The following GAS2L3 variants were observed in gnomAD, a reference collection of about 807,000 sequenced individuals.
The protein encoded by GAS2L3 is growth arrest specific 2 like 3.
GAS2L3 carries 28 observed loss-of-function variants against 37.0 expected under a neutral mutation model. That is an observed-to-expected ratio of 0.76 (90% CI 0.56 to 1.04). GAS2L3 has a LOEUF of 1.04. Among genes scored for constraint, GAS2L3 ranks in the 50% least tolerant of loss-of-function variants. The pLI, the probability that GAS2L3 is intolerant of heterozygous loss-of-function variation, is 0.00. For missense variants in GAS2L3, 793 were observed against 817.6 expected (o/e 0.97, Z 0.37); for synonymous variants, 290 against 296.6 (o/e 0.98, Z 0.23).
intron 5 of GAS2L3, among the ~76,000 whole-genome samples, chr12:100,604,130 T>C (rs1328366652): frequency 6.6e-6 from 1 of 152,130 alleles, no homozygotes; most frequent in African/African-American, 2.4e-5. Flanking sequence ...TTTCCATTTC[T>C]ATGAAAAACA....
chr12:100,599,074 CG>C (rs1955950767), intron 3 of GAS2L3, among the ~76,000 whole-genome samples: 1 of 152,078 alleles, frequency 6.6e-6, no homozygotes, highest in Admixed American at 6.6e-5. Flanking sequence ...TCCCCATACC[CG>C]GATGCCCACT....
At chr12:100,612,314 TA>T in intron 6 of GAS2L3, 173 bp downstream of exon 6, 1 of 582,416 alleles carries the variant, frequency 1.7e-6, no homozygotes. Context: ...CTAAATCAAA[TA>T]TATTAACCTT....
rs2136609654 is a variant in GAS2L3 at position 100,624,395 on chromosome 12, CACGGGT to C, written c.1591_1596del (p.Thr531_Gly532del). On this transcript the variant is annotated inframe_deletion, in exon 10 of 10. Transcript: ENST00000547754. The stretch of plus-strand genomic sequence containing the variant: ...CAAAAACCAGTTCCAAAACCATAGC[CACGGGT>C]CTAGGAACACAGTCTCAACCATCCG... The C allele has an allele frequency of 1.9e-6, 3 of 1,613,928 alleles. No individual in the cohort carries two copies. In the East Asian group the frequency reaches 6.7e-5, roughly 36 times the overall value.
chr12:100,587,200 AG>A (rs1955792034), intron 1 of GAS2L3, among the ~76,000 whole-genome samples: 1 of 152,224 alleles, frequency 6.6e-6, no homozygotes, highest in South Asian at 2.1e-4. Flanking sequence ...AGATAGAGAA[AG>A]AAGGAACCCT....
At chr12:100,590,720 T>C (rs534567037) in intron 1 of GAS2L3, among the ~76,000 whole-genome samples, 30 of 152,184 alleles carry the variant, frequency 2.0e-4, no homozygotes, top group African/African-American at 7.2e-4. Flanking sequence ...CCCCACCATA[T>C]AGATAATATA....
At chr12:100,586,182 A>C (rs536051445) in intron 1 of GAS2L3, among the ~76,000 whole-genome samples, 3 of 152,210 alleles carry the variant, frequency 2.0e-5, no homozygotes, top group Non-Finnish European at 4.4e-5. Flanking sequence ...ACAGAAAATC[A>C]ACCAAGAAAC....
rs1383252077 is a variant in GAS2L3 at position 100,624,940 on chromosome 12, T to C, written c.*50T>C. On this transcript the variant is annotated 3_prime_UTR_variant, in exon 10 of 10. Transcript: ENST00000547754. ...GAAAAGGAAGAATGAATGTGTTAGC[T>C]TCACATCTTAAAAGTTTCTCCTATT... 2 of 1,370,254 alleles carry C rather than the reference T, an allele frequency of 1.5e-6. No individual in the cohort carries two copies. Among genetic ancestry groups the C allele is most frequent in the African/African-American group, 2.9e-5 (2 of 68,406 alleles). The allele number at this position is 1,370,254 out of a possible 1,614,324, so 84.9% of individuals were successfully genotyped here. A position where few individuals can be genotyped will look rare whatever the true frequency, so the allele number is the denominator to read the frequency against.
chr12:100,606,117 G>GTC (rs940019828), intron 5 of GAS2L3, among the ~76,000 whole-genome samples: 21 of 151,890 alleles, frequency 1.4e-4, no homozygotes, highest in Admixed American at 2.0e-4. Flanking sequence ...CTGTATTGGA[G>GTC]TCTCTCTCTC....
rs1319011756 is a variant in GAS2L3 at position 100,615,064 on chromosome 12, T to G, written c.446-2680T>G. On this transcript the variant is annotated intron_variant, in intron 6 of 9. Coordinates refer to ENST00000547754, the MANE Select transcript of GAS2L3 (RefSeq NM_174942.3). ...AATTTCTAGGTCATATGGTAATAATTCTGTTTATCTTTTTGAGGAGCTGTT... is the reference window on the plus strand; with the variant it reads ...AATTTCTAGGTCATATGGTAATAATGCTGTTTATCTTTTTGAGGAGCTGTT... 2.0e-5 allele frequency among the ~76,000 whole-genome samples: 3 copies of G among 152,320 alleles called. No homozygotes were observed. The East Asian group carries it at 5.8e-4, about 29-fold the overall frequency.
chr12:100,602,548 T>C (rs1185184024), intron 5 of GAS2L3, among the ~76,000 whole-genome samples: 12 of 151,982 alleles, frequency 7.9e-5, no homozygotes, highest in African/African-American at 2.9e-4. Flanking sequence ...ATGGGGTACA[T>C]GAGATACTTT....
chr12:100,606,208 T>G (rs1252626168), intron 5 of GAS2L3, among the ~76,000 whole-genome samples: 1 of 152,096 alleles, frequency 6.6e-6, no homozygotes, highest in Non-Finnish European at 1.5e-5. Flanking sequence ...TTTTATATCC[T>G]TTTGCTGAAT....
intron 1 of GAS2L3, chr12:100,579,013 T>C (rs1318270856): frequency 1.2e-6 from 1 of 832,712 alleles, no homozygotes; most frequent in African/African-American, 1.7e-5. Flanking sequence ...TCAAAGTCTA[T>C]TACTTGCCTC....
At chr12:100,595,406 T>TTA (rs1555201379) in intron 3 of GAS2L3, among the ~76,000 whole-genome samples, 5 of 151,464 alleles carry the variant, frequency 3.3e-5, no homozygotes, top group Admixed American at 3.3e-4. Context: ...GGGTTTTTTT[T>TTA]TTTTTGTTTT....
In GAS2L3 at chr12:100,585,219, G is replaced by C. The variant is rs117601994; in HGVS notation, c.-151-6517G>C. Reference sequence around the variant, plus strand: ...TGGTCCTACTTGAATGTTTTTAAAGGCTTCCTGAAACAAACCAAAACACAG... The same window carrying C: ...TGGTCCTACTTGAATGTTTTTAAAGCCTTCCTGAAACAAACCAAAACACAG... On this transcript the variant is annotated intron_variant, in intron 1 of 9. Coordinates refer to ENST00000547754, the MANE Select transcript of GAS2L3 (RefSeq NM_174942.3). Among the ~76,000 whole-genome samples, 231 of 150,738 alleles carry C rather than the reference G, an allele frequency of 1.5e-3. 2 individuals are homozygous for C. In the East Asian group the frequency reaches 0.024, roughly 16 times the overall value.
In GAS2L3 at chr12:100,623,660, T is replaced by C; in HGVS notation, c.855T>C (p.Phe285=). 1 of 1,614,048 alleles carries C rather than the reference T, an allele frequency of 6.2e-7. No individual in the cohort carries two copies. The highest frequency in any genetic ancestry group is 8.5e-7 in the Non-Finnish European group (1 of 1,179,924). ...LKYDPCRILQ[F]ATLEQKILAF... Reference sequence around the variant, plus strand: ...ATGACCCCTGTCGAATATTACAGTTTGCCACATTAGAACAAAAAATTTTAG... The same window carrying C: ...ATGACCCCTGTCGAATATTACAGTTCGCCACATTAGAACAAAAAATTTTAG... Residue 285 remains phenylalanine (F), a synonymous_variant, in exon 10 of 10, where the codon TTT becomes TTC. Coordinates refer to ENST00000547754, the MANE Select transcript of GAS2L3 (RefSeq NM_174942.3).
intron 1 of GAS2L3, chr12:100,578,855 G>A: frequency 1.4e-6 from 1 of 731,366 alleles, no homozygotes; most frequent in East Asian, 2.6e-5. Flanking sequence ...TATATGTATG[G>A]CATCTGACTT....
chr12:100,590,483 T>C (rs1565800199), intron 1 of GAS2L3, among the ~76,000 whole-genome samples: 1 of 152,220 alleles, frequency 6.6e-6, no homozygotes, highest in Non-Finnish European at 1.5e-5. Context: ...TGTAAACTAG[T>C]ACAGATGCTG....
intron 3 of GAS2L3, among the ~76,000 whole-genome samples, chr12:100,598,238 C>T (rs35687): frequency 0.27 from 41,492 of 151,988 alleles, 6,069 homozygotes; most frequent in African/African-American, 0.36. Flanking sequence ...ATAACCAGCT[C>T]AGAATTATGT....
At position 100,624,697 on chromosome 12, in the gene GAS2L3, C is replaced by T. The variant is rs1239259440; in HGVS notation, c.1892C>T (p.Ser631Leu). Residue 631 changes from serine (S) to leucine (L), a missense_variant, in exon 10 of 10, where the codon TCA becomes TTA. By Grantham distance (145) the Ser-to-Leu change is moderately radical. Transcript: ENST00000547754. Reference protein sequence around the residue: ...SSTKTQTAPKSAQTVAKSQHS... With the variant: ...SSTKTQTAPKLAQTVAKSQHS... Reference sequence around the variant, plus strand: ...ACCAAAACACAAACTGCACCGAAGTCAGCACAGACTGTCGCTAAGAGCCAG... The same window carrying T: ...ACCAAAACACAAACTGCACCGAAGTTAGCACAGACTGTCGCTAAGAGCCAG... The T allele has an allele frequency of 7.4e-6, 12 of 1,613,988 alleles. No individual in the cohort carries two copies. In the Admixed American group the frequency reaches 1.8e-4, roughly 25 times the overall value.
Sources: allele counts gnomAD v4.1 joint callset (sites outside exome capture counted in the v4.1 genomes callset), GRCh38; gene constraint gnomAD v4.1.1; transcripts MANE v1.5; gene names NCBI Gene and HGNC (gene_info 2026-07-23, HGNC 2026-07-21).